FRMD4A: variants seen among roughly 807,000 people sequenced by gnomAD.
The protein encoded by FRMD4A is FERM domain-containing protein 4A.
In FRMD4A, 29 loss-of-function variants were observed where a neutral mutation model predicts 129.1. The ratio of observed to expected loss-of-function variants is 0.22; its 90% CI spans 0.17 to 0.31. FRMD4A has a LOEUF of 0.31. Ranked by LOEUF, FRMD4A falls within the 10% of genes least tolerant of loss-of-function variation. The pLI is 1.00. For missense variants in FRMD4A, 1,272 were observed against 1,375.8 expected (o/e 0.92, Z 1.19); for synonymous variants, 634 against 571.6 (o/e 1.11, Z -1.56).
At chr10:13,958,948 G>C (rs1029090320) in intron 2 of FRMD4A, among the ~76,000 whole-genome samples, 6 of 152,214 alleles carry the variant, frequency 3.9e-5, no homozygotes, top group African/African-American at 1.4e-4. Flanking sequence ...TCTTTGGATG[G>C]TTGAGATGTA....
chr10:14,150,212 C>G (rs1564341700), intron 2 of FRMD4A, among the ~76,000 whole-genome samples: 4 of 152,226 alleles, frequency 2.6e-5, no homozygotes, highest in Admixed American at 1.3e-4. Context: ...GGTGGGGACA[C>G]AGAGGCAAAC....
intron 2 of FRMD4A, among the ~76,000 whole-genome samples, chr10:14,232,700 G>T (rs548769539): frequency 6.6e-6 from 1 of 152,274 alleles, no homozygotes; most frequent in African/African-American, 2.4e-5. Flanking sequence ...GAATGGGATT[G>T]TGTTCTTGAC....
At chr10:14,151,747 A>T (rs922253827) in intron 2 of FRMD4A, among the ~76,000 whole-genome samples, 2 of 152,060 alleles carry the variant, frequency 1.3e-5, no homozygotes, top group African/African-American at 4.8e-5. Context: ...TCCCTTCCCC[A>T]GGGAACATTT....
At chr10:14,129,430 T>G in intron 2 of FRMD4A, among the ~76,000 whole-genome samples, 1 of 130,538 alleles carries the variant, frequency 7.7e-6, no homozygotes. Context: ...CTGTAGAACA[T>G]ACTTAGAAAC....
At chr10:13,914,944 T>C (rs1180560185) in intron 2 of FRMD4A, among the ~76,000 whole-genome samples, 1 of 151,904 alleles carries the variant, frequency 6.6e-6, no homozygotes, top group Non-Finnish European at 1.5e-5. Context: ...AGCCCATGAG[T>C]TGGAGGCTGC....
rs749080732 is a variant in FRMD4A at position 13,709,537 on chromosome 10, TA to T, written c.760-2425del. ...TAACTCAAGCCCTGAGTTTTGGATTTAAAAAAAAAAATATGTGTGTGCTGCA... is the reference window on the plus strand; with the variant it reads ...TAACTCAAGCCCTGAGTTTTGGATTTAAAAAAAAAATATGTGTGTGCTGCA... On this transcript the variant is annotated intron_variant, in intron 12 of 24. Transcript: ENST00000357447. 7.2e-3 allele frequency among the ~76,000 whole-genome samples: 1,073 copies of T among 148,274 alleles called. 7 individuals carry two copies. The highest frequency in any genetic ancestry group is 0.011 in the Non-Finnish European group (737 of 66,666).
At chr10:14,084,464 T>C (rs1190704346) in intron 2 of FRMD4A, among the ~76,000 whole-genome samples, 2 of 152,178 alleles carry the variant, frequency 1.3e-5, no homozygotes, top group Non-Finnish European at 2.9e-5. Context: ...TTAATTAATA[T>C]ATACCCTCCT....
At chr10:13,710,918 A>G (rs935384852) in intron 12 of FRMD4A, among the ~76,000 whole-genome samples, 6 of 152,078 alleles carry the variant, frequency 3.9e-5, no homozygotes, top group Non-Finnish European at 7.4e-5. Flanking sequence ...GGAGGCTGAG[A>G]CAAGAGAATC....
chr10:13,764,774 C>T (rs2092219047), intron 6 of FRMD4A, among the ~76,000 whole-genome samples: 1 of 152,178 alleles, frequency 6.6e-6, no homozygotes, highest in African/African-American at 2.4e-5. Flanking sequence ...CACAAGATCC[C>T]ATAGTGGCTG....
chr10:14,153,555 G>C (rs911579848), intron 2 of FRMD4A, among the ~76,000 whole-genome samples: 1 of 152,174 alleles, frequency 6.6e-6, no homozygotes, highest in Non-Finnish European at 1.5e-5. Flanking sequence ...TGTAAGATGA[G>C]GCTACACCAG....
intron 2 of FRMD4A, among the ~76,000 whole-genome samples, chr10:13,993,737 T>A (rs1329097310): frequency 1.3e-5 from 2 of 152,192 alleles, no homozygotes; most frequent in East Asian, 3.9e-4. Flanking sequence ...AAAACCATGT[T>A]CTCAGCAAAG....
chr10:14,326,023 C>A (rs571870671), intron 2 of FRMD4A, among the ~76,000 whole-genome samples: 9 of 152,200 alleles, frequency 5.9e-5, no homozygotes, highest in African/African-American at 2.2e-4. Flanking sequence ...AGTTTTTATA[C>A]ATTTAATTTT....
chr10:14,022,042 T>C (rs1320179362), intron 2 of FRMD4A, among the ~76,000 whole-genome samples: 1 of 152,154 alleles, frequency 6.6e-6, no homozygotes, highest in Non-Finnish European at 1.5e-5. Flanking sequence ...TTGATATGTA[T>C]CTATTGAGGT....
At chr10:14,018,236 G>A (rs887404898) in intron 2 of FRMD4A, among the ~76,000 whole-genome samples, 2 of 150,432 alleles carry the variant, frequency 1.3e-5, no homozygotes, top group Non-Finnish European at 3.0e-5. Flanking sequence ...CAGAAGGTCA[G>A]AAGATCATAG....
chr10:13,761,192 G>A (rs779297906), intron 8 of FRMD4A, among the ~76,000 whole-genome samples: 31 of 152,164 alleles, frequency 2.0e-4, no homozygotes, highest in Non-Finnish European at 1.0e-4. Flanking sequence ...TTTTTATGTT[G>A]TAACATTTTC....
chr10:14,311,180 C>T (rs1846534849), intron 2 of FRMD4A, among the ~76,000 whole-genome samples: 1 of 152,134 alleles, frequency 6.6e-6, no homozygotes, highest in Admixed American at 6.5e-5. Context: ...ACTTGGAATC[C>T]CACACAAGCC....
At chr10:13,758,290 G>C (rs1240263937) in intron 8 of FRMD4A, among the ~76,000 whole-genome samples, 1 of 152,076 alleles carries the variant, frequency 6.6e-6, no homozygotes, top group Admixed American at 6.6e-5. Flanking sequence ...AAAGGTTATT[G>C]GATCCTCTGG....
rs2089219675 is a variant in FRMD4A, at chr10:13,719,568, G to A, written c.760-12455C>T. ...GGCACAGCATGTTCTGGCTGTGTAA[G>A]GTTTGGTGTTAAACAGGTTTACATT... On this transcript the variant is annotated intron_variant, in intron 12 of 24. Transcript: ENST00000357447. 2.6e-5 allele frequency among the ~76,000 whole-genome samples: 4 copies of A among 152,166 alleles called. No homozygotes were observed. The South Asian group carries it at 6.2e-4, about 24-fold the overall frequency.
chr10:13,804,552 T>TTTCTTTCTTTCTTTCTTTCTTTC (rs1564831503), intron 4 of FRMD4A, among the ~76,000 whole-genome samples: 1 of 151,540 alleles, frequency 6.6e-6, no homozygotes, highest in African/African-American at 2.4e-5. Flanking sequence ...TCTTTATTTC[T>TTTCTTTCTTTCTTTCTTTCTTTC]TTTTTTTGTT....
Sources: allele counts gnomAD v4.1 joint callset (sites outside exome capture counted in the v4.1 genomes callset), GRCh38; gene constraint gnomAD v4.1.1; transcripts MANE v1.5; gene names NCBI Gene and HGNC (gene_info 2026-07-23, HGNC 2026-07-21).